Variants in CTNNA3 observed in about 807,000 individuals in gnomAD.
CTNNA3 encodes the protein catenin alpha 3.
Under a neutral mutation model 95.7 loss-of-function variants are expected in CTNNA3, and 76 were observed. The observed-to-expected ratio is 0.79, with a 90% CI of 0.66 to 0.96. CTNNA3 has a LOEUF of 0.96. Among genes scored for constraint, CTNNA3 ranks in the 40% least tolerant of loss-of-function variants. The pLI is 0.00. For synonymous variants in CTNNA3, 431 were observed against 374.4 expected (o/e 1.15, Z -1.74); for missense variants, 1,191 against 1,089.8 (o/e 1.09, Z -1.31).
chr10:67,136,465 G>A (rs1385011844), intron 7 of CTNNA3, among the ~76,000 whole-genome samples: 2 of 151,866 alleles, frequency 1.3e-5, no homozygotes, highest in African/African-American at 2.4e-5. Context: ...ATTTCCAAAG[G>A]AGAAGCAGGT....
chr10:66,425,638 CAT>C (rs577580175), intron 11 of CTNNA3, among the ~76,000 whole-genome samples: 42 of 152,030 alleles, frequency 2.8e-4, no homozygotes, highest in African/African-American at 9.9e-4. Context: ...CCTATATACA[CAT>C]TTGTAGTTTT....
intron 12 of CTNNA3, among the ~76,000 whole-genome samples, chr10:66,350,965 C>T (rs2092562608): frequency 6.6e-6 from 1 of 152,000 alleles, no homozygotes; most frequent in Admixed American, 6.6e-5. Context: ...TGATAGTAAA[C>T]AGCCATACTT....
chr10:66,512,800 T>C (rs1467215656), intron 11 of CTNNA3, among the ~76,000 whole-genome samples: 3 of 152,084 alleles, frequency 2.0e-5, no homozygotes, highest in Admixed American at 2.0e-4. Flanking sequence ...AGTTTTTTCT[T>C]TTTTTTATTC....
At chr10:67,048,058 C>T (rs1362756766) in intron 7 of CTNNA3, among the ~76,000 whole-genome samples, 1 of 152,032 alleles carries the variant, frequency 6.6e-6, no homozygotes, top group Non-Finnish European at 1.5e-5. Context: ...TCAGAAGTGA[C>T]CACCTCTCTA....
intron 5 of CTNNA3, among the ~76,000 whole-genome samples, chr10:67,354,419 T>G (rs2132652798): frequency 6.6e-6 from 1 of 152,200 alleles, no homozygotes; most frequent in East Asian, 1.9e-4. Flanking sequence ...ATATCTTGGC[T>G]GAATTACCCA....
intron 7 of CTNNA3, among the ~76,000 whole-genome samples, chr10:66,849,760 T>A (rs1843416839): frequency 6.6e-6 from 1 of 152,136 alleles, no homozygotes; most frequent in African/African-American, 2.4e-5. Flanking sequence ...TACCTTAATT[T>A]CAGACTTCCG....
At chr10:66,772,428 CAA>C (rs200040278) in intron 8 of CTNNA3, among the ~76,000 whole-genome samples, 11 of 35,744 alleles carry the variant, frequency 3.1e-4, no homozygotes, top group Admixed American at 5.0e-4. Context: ...CTGTCTCAAA[CAA>C]AAAAAAAAAA....
At chr10:65,925,408 T>C (rs1383371471) in intron 17 of CTNNA3, among the ~76,000 whole-genome samples, 3 of 152,174 alleles carry the variant, frequency 2.0e-5, no homozygotes, top group African/African-American at 7.2e-5. Flanking sequence ...TTGCAGACTT[T>C]GCACATTTAA....
chr10:66,532,124 T>A (rs1160636770), intron 10 of CTNNA3, among the ~76,000 whole-genome samples: 1 of 152,146 alleles, frequency 6.6e-6, no homozygotes, highest in Non-Finnish European at 1.5e-5. Context: ...TATTCATTAA[T>A]TGCCAAAGTG....
intron 6 of CTNNA3, among the ~76,000 whole-genome samples, chr10:67,199,047 AG>A (rs1193144904): frequency 1.3e-5 from 2 of 151,978 alleles, no homozygotes; most frequent in African/African-American, 2.4e-5. Flanking sequence ...AATAAGGTAA[AG>A]GGGGAAGGGA....
intron 13 of CTNNA3, among the ~76,000 whole-genome samples, chr10:66,143,272 A>G (rs1249382315): frequency 6.6e-6 from 1 of 152,158 alleles, no homozygotes; most frequent in Non-Finnish European, 1.5e-5. Context: ...ATATTATGAT[A>G]CCAAGCAATA....
chr10:67,188,498 T>C (rs892845032), intron 6 of CTNNA3, among the ~76,000 whole-genome samples: 1 of 152,146 alleles, frequency 6.6e-6, no homozygotes, highest in African/African-American at 2.4e-5. Context: ...CAGGTAATCT[T>C]GATGACAAAG....
At position 65,913,502 on chromosome 10, in the gene CTNNA3, A is replaced by C. The variant is rs1423294184; in HGVS notation, c.*6828T>G. The stretch of plus-strand genomic sequence containing the variant: ...ACTGTACCACATGAGAAAAATTTGC[A>C]AAATCAACAAATAGCACATCTTAAC... On this transcript the variant is annotated 3_prime_UTR_variant, in exon 18 of 18. Transcript: ENST00000433211. The C allele has an allele frequency of 6.6e-6, 1 of 152,124 alleles. No homozygotes were observed. The highest frequency in any genetic ancestry group is 1.5e-5 in the Non-Finnish European group (1 of 68,012). 9.4% of individuals were successfully genotyped at this position (152,124 alleles called of 1,614,324 possible).
At chr10:65,926,432 C>T (rs920540067) in intron 17 of CTNNA3, among the ~76,000 whole-genome samples, 3 of 150,786 alleles carry the variant, frequency 2.0e-5, no homozygotes, top group Non-Finnish European at 4.4e-5. Flanking sequence ...TTCCAAAGTG[C>T]TTCTGCAAAT....
intron 1 of CTNNA3, among the ~76,000 whole-genome samples, chr10:67,687,803 G>C (rs537453566): frequency 6.6e-6 from 1 of 152,022 alleles, no homozygotes; most frequent in Non-Finnish European, 1.5e-5. Context: ...CCTGAGTTAC[G>C]GTGGACATCA....
At chr10:67,214,639 T>C (rs1864272418) in intron 6 of CTNNA3, among the ~76,000 whole-genome samples, 1 of 151,990 alleles carries the variant, frequency 6.6e-6, no homozygotes, top group South Asian at 2.1e-4. Context: ...CAGTGAAAAG[T>C]TGTTGACAAT....
chr10:66,720,828 G>A (rs1023286911), intron 9 of CTNNA3, among the ~76,000 whole-genome samples: 10 of 151,944 alleles, frequency 6.6e-5, no homozygotes, highest in Admixed American at 5.2e-4. Flanking sequence ...GAGAGACCCT[G>A]TCTCAAAAAA....
intron 12 of CTNNA3, among the ~76,000 whole-genome samples, chr10:66,330,845 G>A (rs1270933801): frequency 3.6e-5 from 3 of 83,284 alleles, no homozygotes; most frequent in Admixed American, 2.5e-4. Context: ...TTTTTCATGT[G>A]TTTTTCGGCT....
chr10:66,662,304 C>T (rs965979975), intron 9 of CTNNA3, among the ~76,000 whole-genome samples: 2 of 152,130 alleles, frequency 1.3e-5, no homozygotes, highest in Admixed American at 6.6e-5. Flanking sequence ...AAAACATATA[C>T]AATTTGCTTA....
Sources: allele counts gnomAD v4.1 joint callset (sites outside exome capture counted in the v4.1 genomes callset), GRCh38; gene constraint gnomAD v4.1.1; transcripts MANE v1.5; gene names NCBI Gene and HGNC (gene_info 2026-07-23, HGNC 2026-07-21).